NWD1: variants seen among roughly 807,000 people sequenced by gnomAD.
NWD1 encodes the protein NACHT domain- and WD repeat-containing protein 1.
A neutral mutation model predicts 135.1 loss-of-function variants in NWD1; 129 were observed. That is an observed-to-expected ratio of 0.96 (90% CI 0.83 to 1.11). NWD1 has a LOEUF of 1.11. Ranked by LOEUF, NWD1 falls within the 50% of genes least tolerant of loss-of-function variation. The probability of loss-of-function intolerance (pLI) is 0.00; values close to 1 mark genes in which losing one functional copy is unlikely to be tolerated. For missense variants in NWD1, 1,740 were observed against 1,851.3 expected, an observed-to-expected ratio of 0.94 and a Z score of 1.10; for synonymous variants, 773 against 786.0, an observed-to-expected ratio of 0.98 and a Z score of 0.28.
rs574697358 is a variant in NWD1, at chr19:16,729,790, A to G, written c.-6-1402A>G. The stretch of plus-strand genomic sequence containing the variant: ...AGGCTGAGGCAGGAGAATCCCTTGA[A>G]TCTGGTAGGCGGAGGTTGCAGTGAG... On this transcript the variant is annotated intron_variant, in intron 2 of 18. Coordinates refer to ENST00000524140, the MANE Select transcript of NWD1 (RefSeq NM_001007525.5). Among the ~76,000 whole-genome samples, 35 of 151,658 alleles carry G rather than the reference A, an allele frequency of 2.3e-4. No individual in the cohort carries two copies. The East Asian group carries it at 3.5e-3, about 15-fold the overall frequency.
intron 7 of NWD1, among the ~76,000 whole-genome samples, chr19:16,760,067 A>C (rs2122874431): frequency 6.6e-6 from 1 of 151,536 alleles, no homozygotes. Context: ...AGGTGGGAGG[A>C]TCACTTGAGC....
chr19:16,792,545 G>C (rs1024324380), intron 14 of NWD1, among the ~76,000 whole-genome samples: 1 of 152,228 alleles, frequency 6.6e-6, no homozygotes, highest in African/African-American at 2.4e-5. Context: ...AGCCGGGCGT[G>C]GTGGTGAGCA....
At chr19:16,757,913 G>A (rs977141178) in intron 6 of NWD1, among the ~76,000 whole-genome samples, 4 of 152,228 alleles carry the variant, frequency 2.6e-5, no homozygotes, top group African/African-American at 2.4e-5. Context: ...TTAGCCGGGC[G>A]TGGTGGTGCA....
In NWD1 at chr19:16,789,054, A is replaced by C; in HGVS notation, c.2804A>C (p.His935Pro). ...TCTGCTTCAAAGGATTACACGCTGC[A>C]CTTGTGGAACTTACTCTCTGGCCAG... The part of the protein sequence containing the change: ...ANSASKDYTL[H>P]LWNLLSGQEK... The change falls in exon 13 of 19, where the codon CAC becomes CCC. Residue 935 changes from histidine (H) to proline (P), a missense_variant. His to Pro is a moderately conservative substitution (Grantham distance 77). Transcript: ENST00000524140. 1 of 1,613,228 alleles carries C rather than the reference A, an allele frequency of 6.2e-7. No individual in the cohort carries two copies. Among genetic ancestry groups the C allele is most frequent in the South Asian group, 1.1e-5 (1 of 91,040 alleles).
chr19:16,789,993 C>T (rs1970187258), intron 13 of NWD1, among the ~76,000 whole-genome samples: 1 of 152,176 alleles, frequency 6.6e-6, no homozygotes, highest in African/African-American at 2.4e-5. Context: ...GCTGGGATTA[C>T]AGGCCTGAGC....
chr19:16,733,333 C>T (rs1967657830), intron 3 of NWD1, among the ~76,000 whole-genome samples: 3 of 151,824 alleles, frequency 2.0e-5, no homozygotes, highest in Non-Finnish European at 4.4e-5. Context: ...CCAGCCTGGC[C>T]AACATGGTGA....
Position 16,749,729 on chromosome 19 carries a change from G to C in NWD1, c.1087G>C (p.Gly363Arg). The change falls in exon 6 of 19, where the codon GGG becomes CGG. Residue 363 changes from glycine (G) to arginine (R), a missense_variant. By Grantham distance (125) the Gly-to-Arg change is moderately radical (BLOSUM62 -2). Transcript: ENST00000524140. ...GGCTGAGCAGATGCCAAGGCTGCTG[G>C]GGCACAAGACAGTGACCGTCCTGCG... is the stretch of plus-strand genomic sequence containing the variant. ...KLAEQMPRLL[G>R]HKTVTVLRLL... 6.2e-7 allele frequency: 1 copy of C among 1,606,238 alleles called. No homozygotes were observed. Among genetic ancestry groups the C allele is most frequent in the Non-Finnish European group, 8.5e-7 (1 of 1,175,588 alleles).
chr19:16,802,610 C>T (rs1970636640), intron 17 of NWD1, among the ~76,000 whole-genome samples: 1 of 152,044 alleles, frequency 6.6e-6, no homozygotes, highest in South Asian at 2.1e-4. Flanking sequence ...GAAGCTGGCA[C>T]CATGCTTCCT....
intron 17 of NWD1, among the ~76,000 whole-genome samples, chr19:16,806,998 C>T (rs767109450): frequency 6.8e-4 from 103 of 151,828 alleles, no homozygotes; most frequent in Non-Finnish European, 3.8e-4. Context: ...GCCTGGACAA[C>T]GAAGCCAGAC....
intron 6 of NWD1, among the ~76,000 whole-genome samples, chr19:16,757,174 C>G (rs550496952): frequency 2.0e-5 from 3 of 152,012 alleles, no homozygotes; most frequent in Non-Finnish European, 4.4e-5. Flanking sequence ...CCCTGGTCCG[C>G]GGGAAAAAAA....
In NWD1 at chr19:16,794,461, A is replaced by C. The variant is rs560391687; in HGVS notation, c.3214-2A>C. 5 of 1,603,114 alleles carry C rather than the reference A, an allele frequency of 3.1e-6. No homozygotes were observed. Among genetic ancestry groups the C allele is most frequent in the South Asian group, 1.1e-5 (1 of 90,312 alleles). ...CTGACAGGCATCCCTGGTTCTGCACAGGTTTCCTCCAAAGGGGACAGATTG... is the reference window on the plus strand; with the variant it reads ...CTGACAGGCATCCCTGGTTCTGCACCGGTTTCCTCCAAAGGGGACAGATTG... On this transcript the variant is annotated splice_acceptor_variant, in intron 14 of 18. Transcript: ENST00000524140. LOFTEE classifies it high-confidence loss of function.
chr19:16,811,586 G>GAAA (rs374876983), intron 18 of NWD1, among the ~76,000 whole-genome samples: 2 of 61,974 alleles, frequency 3.2e-5, no homozygotes, highest in Non-Finnish European at 7.0e-5. Context: ...CTCTGTCTCA[G>GAAA]AAAAAAAAAA....
At chr19:16,738,612 C>T (rs566885511) in intron 4 of NWD1, among the ~76,000 whole-genome samples, 465 of 144,990 alleles carry the variant, frequency 3.2e-3, no homozygotes, top group Non-Finnish European at 4.5e-3. Flanking sequence ...GAGAGATATT[C>T]TATTTTCTGA....
chr19:16,757,880 C>G (rs1336279135), intron 6 of NWD1, among the ~76,000 whole-genome samples: 1 of 152,048 alleles, frequency 6.6e-6, no homozygotes, highest in Admixed American at 6.6e-5. Context: ...AGTGAAACCC[C>G]ATCTCTACTA....
chr19:16,762,014 C>T lies in NWD1; in HGVS notation c.2009C>T (p.Ser670Leu). 3 of 1,614,056 alleles carry T rather than the reference C, an allele frequency of 1.9e-6. No individual in the cohort carries two copies. The highest frequency in any genetic ancestry group is 1.7e-6 in the Non-Finnish European group (2 of 1,179,982). ...LVEVVRERYL[S>L]GSERAKRHGV... is the part of the protein sequence containing the mutation. ...GAGGTGGTCCGTGAGCGCTACCTGT[C>T]AGGATCCGAGAGAGCCAAGAGGCAT... Residue 670 changes from serine (S) to leucine (L), a missense_variant, in exon 8 of 19, where the codon TCA (serine) becomes TTA (leucine). By Grantham distance (145) the Ser-to-Leu change is moderately radical. Transcript: ENST00000524140.
At chr19:16,786,246 G>A (rs1263879904) in intron 12 of NWD1, among the ~76,000 whole-genome samples, 1 of 151,856 alleles carries the variant, frequency 6.6e-6, no homozygotes. Flanking sequence ...GGGCTCAAGT[G>A]ACCCTCCCAC....
intron 6 of NWD1, among the ~76,000 whole-genome samples, chr19:16,757,844 G>A (rs960642464): frequency 1.3e-5 from 2 of 152,166 alleles, no homozygotes; most frequent in African/African-American, 4.8e-5. Context: ...CTGAGATCAG[G>A]AGTTGAACAG....
intron 1 of NWD1, among the ~76,000 whole-genome samples, chr19:16,722,805 T>G (rs1438816958): frequency 6.6e-6 from 1 of 151,806 alleles, no homozygotes; most frequent in African/African-American, 2.4e-5. Context: ...TTGGTTGACC[T>G]CTGGAGGGGC....
chr19:16,806,863 A>G (rs899031462), intron 17 of NWD1, among the ~76,000 whole-genome samples: 1 of 151,394 alleles, frequency 6.6e-6, no homozygotes, highest in Non-Finnish European at 1.5e-5. Flanking sequence ...AAAAATACAA[A>G]CAAATTAGCT....
Sources: allele counts gnomAD v4.1 joint callset (sites outside exome capture counted in the v4.1 genomes callset), GRCh38; gene constraint gnomAD v4.1.1; transcripts MANE v1.5; gene names NCBI Gene and HGNC (gene_info 2026-07-23, HGNC 2026-07-21).